Variants in PTPRA observed in about 807,000 individuals in gnomAD.
PTPRA encodes protein tyrosine phosphatase receptor type A.
A neutral mutation model predicts 104.8 loss-of-function variants in PTPRA; 25 were observed. The ratio of observed to expected loss-of-function variants is 0.24; its 90% CI spans 0.17 to 0.33. PTPRA has a LOEUF of 0.33. PTPRA is among the 10% of genes least tolerant of loss of function. The pLI is 1.00. For synonymous variants in PTPRA, 323 were observed against 368.9 expected (o/e 0.88, Z 1.43); for missense variants, 765 against 1,015.3 (o/e 0.75, Z 3.35).
chr20:3,028,635 A>G (rs533411695), intron 20 of PTPRA, among the ~76,000 whole-genome samples: 240 of 152,346 alleles, frequency 1.6e-3, no homozygotes, highest in Non-Finnish European at 2.7e-3. Flanking sequence ...GAGGTTGCAC[A>G]TTGCAGCAAA....
chr20:2,920,488 G>A (rs1199432905), intron 1 of PTPRA, among the ~76,000 whole-genome samples: 4 of 152,160 alleles, frequency 2.6e-5, no homozygotes, highest in Non-Finnish European at 5.9e-5. Flanking sequence ...TTTTTTGAAA[G>A]CTCCCCCAGC....
chr20:3,037,956 C>T lies in PTPRA; in HGVS notation c.2335-103C>T. On this transcript the variant is annotated intron_variant, in intron 23 of 23. Transcript: ENST00000399903. The surrounding 1 kb of genome is among the most constrained non-coding windows in gnomAD (Gnocchi z 4.3). ...GTGAAAGTTCAAAAACATTCAGTTC[C>T]TCTTGATTTTCCATCTTCAACAAAA... 1 of 998,342 alleles carries T rather than the reference C, an allele frequency of 1.0e-6. No homozygotes were observed. Among genetic ancestry groups the T allele is most frequent in the Non-Finnish European group, 1.6e-6 (1 of 642,784 alleles). The allele number at this position is 998,342 out of a possible 1,614,324, so 61.8% of individuals were successfully genotyped here. A position where few individuals can be genotyped will look rare whatever the true frequency, so the allele number is the denominator to read the frequency against.
chr20:2,987,142 G>A (rs182826341), intron 7 of PTPRA, among the ~76,000 whole-genome samples: 294 of 152,176 alleles, frequency 1.9e-3, no homozygotes, highest in African/African-American at 2.7e-3. Flanking sequence ...GTAAGAAACC[G>A]CAGTTTGTTA....
chr20:3,030,975 T>C (rs2065425665), intron 20 of PTPRA, among the ~76,000 whole-genome samples: 1 of 152,168 alleles, frequency 6.6e-6, no homozygotes, highest in African/African-American at 2.4e-5. Flanking sequence ...CCATTGCGCC[T>C]GGCCTCCTTC....
Position 3,025,452 on chromosome 20 carries a change from C to CAA in PTPRA, c.1614+849_1614+850dup, listed in dbSNP as rs11087563. On this transcript the variant is annotated intron_variant, in intron 17 of 23. Coordinates refer to ENST00000399903, the MANE Select transcript of PTPRA (RefSeq NM_001385305.1). ...TGGGCGACAGAGCGAGACTCCATCTCAAAAAAAAAAAAAAAAAAAGTGCTT... is the reference window on the plus strand; with the variant it reads ...TGGGCGACAGAGCGAGACTCCATCTCAAAAAAAAAAAAAAAAAAAAAGTGCTT... Among the ~76,000 whole-genome samples, 714 of 108,426 alleles carry CAA rather than the reference C, an allele frequency of 6.6e-3. 11 individuals carry two copies. The highest frequency in any genetic ancestry group is 0.022 in the African/African-American group (663 of 29,918). The allele number at this position is 108,426 out of a possible 152,430, so 71.1% of individuals were successfully genotyped here.
intron 1 of PTPRA, among the ~76,000 whole-genome samples, chr20:2,902,411 GT>G (rs1450396462): frequency 1.3e-5 from 2 of 152,098 alleles, no homozygotes; most frequent in African/African-American, 4.8e-5. Flanking sequence ...CAAAAAGTTG[GT>G]TTCCAGGGAT....
chr20:2,973,750 A>G (rs943014394), intron 5 of PTPRA, among the ~76,000 whole-genome samples: 3 of 152,136 alleles, frequency 2.0e-5, no homozygotes, highest in Admixed American at 6.5e-5. Flanking sequence ...AATTCATCAC[A>G]TGACCACACC....
At chr20:3,016,812 A>T (rs2064481743) in intron 12 of PTPRA, among the ~76,000 whole-genome samples, 1 of 152,216 alleles carries the variant, frequency 6.6e-6, no homozygotes, top group Non-Finnish European at 1.5e-5. Flanking sequence ...TCACTTTTTT[A>T]GTCTAATGCC....
chr20:2,881,076 G>T (rs2090020696), intron 1 of PTPRA, among the ~76,000 whole-genome samples: 1 of 151,760 alleles, frequency 6.6e-6, no homozygotes, highest in Admixed American at 6.6e-5. Context: ...TGGGAGGTCA[G>T]GGTGGGTGGA....
upstream of PTPRA, among the ~76,000 whole-genome samples, chr20:2,872,288 CG>C (rs1329736331): frequency 1.3e-5 from 2 of 152,342 alleles, no homozygotes; most frequent in East Asian, 3.9e-4. This position sits in a 1 kb window ranked among gnomAD's most constrained non-coding sequence, Gnocchi z 7.9. Context: ...GAGTTGCCGC[CG>C]GTCACAACCC....
chr20:2,935,748 C>T (rs1186473030), intron 2 of PTPRA, among the ~76,000 whole-genome samples: 1 of 152,170 alleles, frequency 6.6e-6, no homozygotes, highest in Non-Finnish European at 1.5e-5. Context: ...GGTGTGGTGG[C>T]TCACGCCTGT....
rs118056492 is a variant in PTPRA at position 3,004,889 on chromosome 20, G to A, written c.739-167G>A. Among the ~76,000 whole-genome samples, 357 of 152,310 alleles carry A rather than the reference G, an allele frequency of 2.3e-3. No individual in the cohort carries two copies. The Middle Eastern group carries it at 0.024, about 10-fold the overall frequency. On this transcript the variant is annotated intron_variant, in intron 9 of 23. Coordinates refer to ENST00000399903, the MANE Select transcript of PTPRA (RefSeq NM_001385305.1). ...CTCTAAGGAGCTTGTGGCTGTTTCG[G>A]GGGAGAGGAGCATTCTCTGTGTTAG...
At chr20:3,014,632 A>C (rs1478592492) in intron 11 of PTPRA, among the ~76,000 whole-genome samples, 2 of 151,712 alleles carry the variant, frequency 1.3e-5, no homozygotes, top group African/African-American at 4.8e-5. Flanking sequence ...TGACAGAGCA[A>C]GACTCCGTCT....
intron 7 of PTPRA, among the ~76,000 whole-genome samples, chr20:2,987,302 A>C (rs984028123): frequency 2.0e-5 from 3 of 151,952 alleles, no homozygotes; most frequent in African/African-American, 7.3e-5. Flanking sequence ...TGGCCCTGGC[A>C]TGTTGAGTTG....
At chr20:2,951,796 GC>G (rs2061362535) in intron 3 of PTPRA, among the ~76,000 whole-genome samples, 1 of 152,196 alleles carries the variant, frequency 6.6e-6, no homozygotes. Flanking sequence ...TGTCTTGTCA[GC>G]GGCAATCATC....
At chr20:3,024,945 T>TAGAAA (rs1248050225) in intron 17 of PTPRA, among the ~76,000 whole-genome samples, 1 of 152,246 alleles carries the variant, frequency 6.6e-6, no homozygotes, top group African/African-American at 2.4e-5. Context: ...CCACATGGTT[T>TAGAAA]CTATCCAGCT....
rs566254261 is a variant in PTPRA, at chr20:2,874,996, GTTC to G, written c.-129+1241_-129+1243del. ...GCCAAGCTCCACTTTTTCTTTTAAA[GTTC>G]TTCTCATTTGAGAAGCTTCTTGCGG... On this transcript the variant is annotated intron_variant, in intron 1 of 23. Transcript: ENST00000399903. Among the ~76,000 whole-genome samples, 27 of 152,180 alleles carry G rather than the reference GTTC, an allele frequency of 1.8e-4. 1 individual carries two copies. The East Asian group carries it at 1.9e-3, about 11-fold the overall frequency.
chr20:3,015,985 T>C, intron 12 of PTPRA, 100 bp downstream of exon 12: 3 of 1,187,672 alleles, frequency 2.5e-6, no homozygotes, highest in Non-Finnish European at 2.4e-6. Context: ...CAGAATGCTG[T>C]AGCTTTTCTG....
At chr20:3,004,596 C>G (rs1030223461) in intron 9 of PTPRA, among the ~76,000 whole-genome samples, 1 of 150,810 alleles carries the variant, frequency 6.6e-6, no homozygotes, top group Non-Finnish European at 1.5e-5. Flanking sequence ...CCTTAGATCC[C>G]TAGGAAGAGA....
Sources: allele counts gnomAD v4.1 joint callset (sites outside exome capture counted in the v4.1 genomes callset), GRCh38; gene constraint gnomAD v4.1.1; non-coding constraint Gnocchi (gnomAD v3.1); transcripts MANE v1.5; gene names NCBI Gene and HGNC (gene_info 2026-07-23, HGNC 2026-07-21).